The following UTP20 variants were observed in gnomAD, a reference collection of about 807,000 sequenced individuals.
UTP20 encodes the protein UTP20 small subunit processome component.
Under a neutral mutation model 329.5 loss-of-function variants are expected in UTP20, and 164 were observed. That is an observed-to-expected ratio of 0.50 (90% CI 0.44 to 0.57). The LOEUF is 0.57. Ranked by LOEUF, UTP20 falls within the 20% of genes least tolerant of loss-of-function variation. UTP20 has a pLI of 0.00. For missense variants in UTP20, 3,055 were observed against 3,284.2 expected, an observed-to-expected ratio of 0.93 and a Z score of 1.71; for synonymous variants, 1,151 against 1,159.3, an observed-to-expected ratio of 0.99 and a Z score of 0.14.
chr12:101,365,683 G>A (rs1870074883), intron 46 of UTP20, 58 bp downstream of exon 46: 1 of 1,394,210 alleles, frequency 7.2e-7, no homozygotes, highest in Admixed American at 2.9e-5. Context: ...AAGCCATTCT[G>A]TGGGTTGTTT....
At chr12:101,375,588 G>A (rs778745844) in intron 55 of UTP20, 36 bp from the exon 56 acceptor site, 4 of 1,604,568 alleles carry the variant, frequency 2.5e-6, no homozygotes, top group South Asian at 1.1e-5. Context: ...CTTTCAGATT[G>A]TTGTTTTCAT....
intron 12 of UTP20, among the ~76,000 whole-genome samples, chr12:101,297,055 C>T (rs777069273): frequency 6.6e-5 from 10 of 152,026 alleles, no homozygotes; most frequent in African/African-American, 1.7e-4. Flanking sequence ...TGCTTTGAGG[C>T]GGAATTGATG....
chr12:101,302,554 G>T lies in UTP20; in HGVS notation c.1781+1G>T, dbSNP rs1330313973. The T allele has an allele frequency of 6.3e-7, 1 of 1,579,614 alleles. No individual in the cohort carries two copies. Among genetic ancestry groups the T allele is most frequent in the Admixed American group, 1.8e-5 (1 of 55,036 alleles). On this transcript the variant is annotated splice_donor_variant, in intron 15 of 61. Transcript: ENST00000261637. LOFTEE classifies it high-confidence loss of function. ...TGGAACGTGTGAAGAATTTAGTATTGTAAGTAAACATCTTCCAGTTGGTTT... is the reference window on the plus strand; with the variant it reads ...TGGAACGTGTGAAGAATTTAGTATTTTAAGTAAACATCTTCCAGTTGGTTT...
At position 101,371,187 on chromosome 12, in the gene UTP20, T is replaced by C. The variant is rs1870275139; in HGVS notation, c.6798+19T>C. 6.4e-7 allele frequency: 1 copy of C among 1,572,286 alleles called. No homozygotes were observed. On this transcript the variant is annotated intron_variant, in intron 51 of 61. Transcript: ENST00000261637. ...TAGACAGGTTTGTAGAGAGCACTTA[T>C]CCCCATAGCAAGGGCTGGGCCCTGC...
At chr12:101,319,699 C>G in intron 23 of UTP20, 64 bp downstream of exon 23, 1 of 1,374,502 alleles carries the variant, frequency 7.3e-7, no homozygotes, top group Non-Finnish European at 1.0e-6. Flanking sequence ...TTTTCTTTGT[C>G]AGAGTAGCTT....
At chr12:101,363,802 A>G in intron 45 of UTP20, 59 bp downstream of exon 45, 1 of 1,173,802 alleles carries the variant, frequency 8.5e-7, no homozygotes. Flanking sequence ...AGTTCCTAAA[A>G]GGAACCATGC....
At chr12:101,319,407 CTA>C (rs1257131077) in intron 22 of UTP20, 136 bp from the exon 23 acceptor site, 9 of 605,140 alleles carry the variant, frequency 1.5e-5, no homozygotes, top group Non-Finnish European at 1.6e-5. Context: ...ATGTAAATAA[CTA>C]AGCCTTGTTT....
At position 101,334,497 on chromosome 12, in the gene UTP20, A is replaced by C. The variant is rs1373614146; in HGVS notation, c.3634A>C (p.Asn1212His). 6.2e-7 allele frequency: 1 copy of C among 1,610,744 alleles called. No individual in the cohort carries two copies. Among genetic ancestry groups the C allele is most frequent in the Admixed American group, 1.7e-5 (1 of 59,974 alleles). ...GAAACTGATCAGTATCTGGAGCAGA[A>C]ACGCAAGGTATAACCTTTCTTTTTT... ...LLKLISIWSRNARYFPLLAKQ... is the reference protein window; with the variant it reads ...LLKLISIWSRHARYFPLLAKQ... Residue 1212 changes from asparagine (N) to histidine (H), a missense_variant, in exon 29 of 62, where the codon AAC (asparagine) becomes CAC (histidine). Coordinates refer to ENST00000261637, the MANE Select transcript of UTP20 (RefSeq NM_014503.3).
intron 56 of UTP20, among the ~76,000 whole-genome samples, chr12:101,377,975 A>C (rs1565809339): frequency 6.6e-6 from 1 of 152,212 alleles, no homozygotes; most frequent in Non-Finnish European, 1.5e-5. Flanking sequence ...TCATCCCAGC[A>C]CTTTGGGAGG....
chr12:101,295,132 C>A (rs1279802969), intron 11 of UTP20, among the ~76,000 whole-genome samples: 3 of 152,062 alleles, frequency 2.0e-5, no homozygotes, highest in Non-Finnish European at 4.4e-5. Flanking sequence ...TTCTCTTCTT[C>A]TTATAGTTTA....
chr12:101,347,888 G>C (rs1021023720), intron 38 of UTP20, among the ~76,000 whole-genome samples: 4 of 152,164 alleles, frequency 2.6e-5, no homozygotes, highest in East Asian at 3.9e-4. Flanking sequence ...GAGTGCAGTA[G>C]CGTGATCTCA....
At chr12:101,351,173 G>A (rs1051226939) in intron 38 of UTP20, among the ~76,000 whole-genome samples, 10 of 151,684 alleles carry the variant, frequency 6.6e-5, no homozygotes, top group African/African-American at 2.2e-4. Context: ...GTCGCCTAGG[G>A]TGGGGTGCAG....
At chr12:101,362,091 T>C (rs1869944398) in intron 44 of UTP20, 31 bp downstream of exon 44, 2 of 1,540,094 alleles carry the variant, frequency 1.3e-6, no homozygotes, top group East Asian at 2.3e-5. Flanking sequence ...TTCTAATTTT[T>C]TTTTAAGTGG....
At position 101,295,464 on chromosome 12, in the gene UTP20, T is replaced by G. The variant is rs1565786537; in HGVS notation, c.1252-16T>G. ...ATATCTGTTAATAAGTGTGATTTTT[T>G]TTTTCTTAACTTTAGCTTTTTCTAC... On this transcript the variant is annotated splice_polypyrimidine_tract_variant and intron_variant, in intron 11 of 61. Transcript: ENST00000261637. 2 of 1,546,370 alleles carry G rather than the reference T, an allele frequency of 1.3e-6. No individual in the cohort carries two copies. The highest frequency in any genetic ancestry group is 1.4e-5 in the African/African-American group (1 of 72,850).
intron 23 of UTP20, among the ~76,000 whole-genome samples, chr12:101,320,099 A>T (rs1473050211): frequency 6.6e-6 from 1 of 152,220 alleles, no homozygotes; most frequent in Non-Finnish European, 1.5e-5. Flanking sequence ...AAATGAAGTA[A>T]GCATTGGATG....
chr12:101,308,483 T>C, intron 18 of UTP20, 140 bp downstream of exon 18: 1 of 485,858 alleles, frequency 2.1e-6, no homozygotes, highest in South Asian at 9.4e-5. Context: ...CCCAGTTCTC[T>C]TAGATGCTTT....
intron 28 of UTP20, among the ~76,000 whole-genome samples, chr12:101,333,775 T>C (rs547629987): frequency 7.2e-5 from 11 of 152,216 alleles, no homozygotes; most frequent in Non-Finnish European, 1.6e-4. Context: ...GAGATTCTCC[T>C]GCCTCAGCCT....
At chr12:101,381,063 G>T (rs1870629996) in intron 57 of UTP20, 77 bp from the exon 58 acceptor site, 2 of 1,241,004 alleles carry the variant, frequency 1.6e-6, no homozygotes, top group African/African-American at 2.9e-5. Context: ...TTGTATTACA[G>T]TTATTATGTT....
intron 33 of UTP20, 45 bp from the exon 34 acceptor site, chr12:101,342,742 T>TA (rs756983677): frequency 6.3e-7 from 1 of 1,591,046 alleles, no homozygotes. Flanking sequence ...GCAGAAAAGT[T>TA]AAAGTTTTAT....
Sources: allele counts gnomAD v4.1 joint callset (sites outside exome capture counted in the v4.1 genomes callset), GRCh38; gene constraint gnomAD v4.1.1; transcripts MANE v1.5; gene names NCBI Gene and HGNC (gene_info 2026-07-23, HGNC 2026-07-21).